Variants in SLC39A10 observed in about 807,000 individuals in gnomAD.
The protein encoded by SLC39A10 is solute carrier family 39 member 10, also known as zinc transporter ZIP10.
In SLC39A10, 13 loss-of-function variants were observed where a neutral mutation model predicts 65.1. The ratio of observed to expected loss-of-function variants is 0.20; its 90% CI spans 0.13 to 0.32. The LOEUF is 0.32. SLC39A10 is among the 10% of genes least tolerant of loss of function. The pLI, the probability that SLC39A10 is intolerant of heterozygous loss-of-function variation, is 1.00. For missense variants in SLC39A10, 831 were observed against 1,018.4 expected, an observed-to-expected ratio of 0.82 and a Z score of 2.50; for synonymous variants, 321 against 342.2, an observed-to-expected ratio of 0.94 and a Z score of 0.68.
intron 2 of SLC39A10, among the ~76,000 whole-genome samples, chr2:195,618,004 G>T (rs1412613978): frequency 4.6e-5 from 7 of 151,022 alleles, no homozygotes; most frequent in Non-Finnish European, 7.4e-5. Flanking sequence ...CTCCCAAAGT[G>T]CTGGGATTAC....
chr2:195,733,567 G>T (rs1490621039), intron 9 of SLC39A10, among the ~76,000 whole-genome samples: 1 of 151,596 alleles, frequency 6.6e-6, no homozygotes, highest in African/African-American at 2.4e-5. Flanking sequence ...TTTTGCTCTT[G>T]TTGCCCAGGA....
chr2:195,624,395 GAAA>G (rs35636489), intron 2 of SLC39A10, among the ~76,000 whole-genome samples: 2 of 65,972 alleles, frequency 3.0e-5, no homozygotes, highest in Non-Finnish European at 3.5e-5. Context: ...CTCAAATAAG[GAAA>G]AAAAAAAAAA....
chr2:195,635,463 T>C (rs747061336), intron 2 of SLC39A10, among the ~76,000 whole-genome samples: 1 of 152,224 alleles, frequency 6.6e-6, no homozygotes. Flanking sequence ...TTTGCCTTTT[T>C]CACTGCATTG....
intron 8 of SLC39A10, among the ~76,000 whole-genome samples, chr2:195,718,922 A>G (rs539902576): frequency 6.6e-6 from 1 of 151,960 alleles, no homozygotes; most frequent in South Asian, 2.1e-4. Flanking sequence ...AGGTTGGATG[A>G]TTTCTGTTTT....
intron 3 of SLC39A10, among the ~76,000 whole-genome samples, chr2:195,687,664 T>G (rs1291663704): frequency 1.3e-5 from 2 of 152,230 alleles, no homozygotes; most frequent in Non-Finnish European, 2.9e-5. Flanking sequence ...CTGCTAGTAA[T>G]TAGTTTTAAT....
In SLC39A10 at chr2:195,736,579, A is replaced by AAAAC. The variant is rs1692613759; in HGVS notation, c.*1542_*1545dup. 1 of 152,742 alleles carries AAAAC rather than the reference A, an allele frequency of 6.5e-6. No individual in the cohort carries two copies. The highest frequency in any genetic ancestry group is 6.5e-5 in the Admixed American group (1 of 15,282). 9.5% of individuals were successfully genotyped at this position (152,742 alleles called of 1,614,324 possible). On this transcript the variant is annotated 3_prime_UTR_variant, in exon 10 of 10. Coordinates refer to ENST00000359634, the MANE Select transcript of SLC39A10 (RefSeq NM_020342.3). ...CTCCTACTCTATGAACTTCAAAACA[A>AAAAC]AAACAAAACTTTGAGAGCAGCACAT...
At chr2:195,732,103 T>G (rs1000164284) in intron 9 of SLC39A10, among the ~76,000 whole-genome samples, 1 of 152,200 alleles carries the variant, frequency 6.6e-6, no homozygotes, top group African/African-American at 2.4e-5. Flanking sequence ...TGGATCCATA[T>G]TGTCGTCAGG....
At chr2:195,687,166 TCTC>T (rs1690556550) in intron 3 of SLC39A10, among the ~76,000 whole-genome samples, 1 of 152,136 alleles carries the variant, frequency 6.6e-6, no homozygotes, top group Non-Finnish European at 1.5e-5. Context: ...GCCTAGTCCC[TCTC>T]AGGTGCCTGT....
intron 2 of SLC39A10, among the ~76,000 whole-genome samples, chr2:195,628,042 A>G (rs1220199498): frequency 3.3e-5 from 5 of 152,218 alleles, no homozygotes; most frequent in South Asian, 4.1e-4. Context: ...TACTAATGCT[A>G]CAATTAAAAC....
chr2:195,730,200 C>T (rs1164316147), intron 9 of SLC39A10, among the ~76,000 whole-genome samples: 1 of 152,068 alleles, frequency 6.6e-6, no homozygotes, highest in Non-Finnish European at 1.5e-5. Flanking sequence ...TCAAATTAAC[C>T]ATTGACCATG....
In SLC39A10 at chr2:195,680,151, C is replaced by T. The variant is rs771937130; in HGVS notation, c.109C>T (p.His37Tyr). 3.7e-6 allele frequency: 6 copies of T among 1,613,936 alleles called. No individual in the cohort carries two copies. The highest frequency in any genetic ancestry group is 5.1e-6 in the Non-Finnish European group (6 of 1,180,032). Residue 37 changes from histidine to tyrosine, a missense_variant, in exon 2 of 10, where the codon CAC (histidine) becomes TAC (tyrosine). Physicochemically the swap from His to Tyr is moderately conservative, Grantham distance 83. This residue lies in a region of SLC39A10 where 446 missense variants were observed against 499.2 expected (regional missense o/e 0.89). Coordinates refer to ENST00000359634, the MANE Select transcript of SLC39A10 (RefSeq NM_020342.3). ...ACATGACCATGGCCCTGAAGCGCTTCACAGACAGCATCGTGGAATGACAGA... is the reference window on the plus strand; with the variant it reads ...ACATGACCATGGCCCTGAAGCGCTTTACAGACAGCATCGTGGAATGACAGA... ...EEHDHGPEAL[H>Y]RQHRGMTELE...
intron 1 of SLC39A10, among the ~76,000 whole-genome samples, chr2:195,663,299 A>G (rs940706508): frequency 6.6e-6 from 1 of 152,204 alleles, no homozygotes; most frequent in African/African-American, 2.4e-5. Flanking sequence ...TTGGTATATT[A>G]ACTCAGTGCA....
chr2:195,700,124 G>C (rs1691119410), intron 3 of SLC39A10, among the ~76,000 whole-genome samples: 1 of 152,058 alleles, frequency 6.6e-6, no homozygotes, highest in South Asian at 2.1e-4. Context: ...TGTAAAGTGA[G>C]TCTCTTGTAT....
At chr2:195,673,057 C>T (rs1163561648) in intron 1 of SLC39A10, among the ~76,000 whole-genome samples, 1 of 152,112 alleles carries the variant, frequency 6.6e-6, no homozygotes. Flanking sequence ...ACATCTCAAA[C>T]TTAATGCTGC....
At chr2:195,656,003 T>A, upstream of SLC39A10, among the ~76,000 whole-genome samples, 1 of 152,296 alleles carries the variant, frequency 6.6e-6, no homozygotes, top group East Asian at 1.9e-4. Context: ...CCAGGCAAGT[T>A]AAAGTCTTGT....
chr2:195,647,322 A>T (rs377561609), intron 2 of SLC39A10, among the ~76,000 whole-genome samples: 2 of 152,100 alleles, frequency 1.3e-5, no homozygotes, highest in East Asian at 3.9e-4. Context: ...AAATTCTTCA[A>T]TGGCCCTTGT....
At chr2:195,638,251 C>G (rs560167552) in intron 2 of SLC39A10, among the ~76,000 whole-genome samples, 1 of 152,094 alleles carries the variant, frequency 6.6e-6, no homozygotes, top group Admixed American at 6.5e-5. Context: ...CCTCAGCCTC[C>G]CAAAGTGCTA....
At chr2:195,631,533 C>T (rs1688585747) in intron 2 of SLC39A10, among the ~76,000 whole-genome samples, 1 of 152,012 alleles carries the variant, frequency 6.6e-6, no homozygotes, top group Admixed American at 6.6e-5. Context: ...TCCTTAAAAG[C>T]AATCTCAATT....
At chr2:195,638,989 G>A (rs1312469039) in intron 2 of SLC39A10, among the ~76,000 whole-genome samples, 1 of 149,784 alleles carries the variant, frequency 6.7e-6, no homozygotes, top group African/African-American at 2.5e-5. Flanking sequence ...ACAGGGTCAT[G>A]CTGGTGCCCC....
Sources: gnomAD v4.1 joint callset for allele counts (sites outside exome capture counted in the v4.1 genomes callset) on GRCh38, gnomAD v4.1.1 for gene constraint, gnomAD v4.1.1 regional missense constraint, MANE v1.5 for transcripts, NCBI Gene and HGNC (gene_info 2026-07-23, HGNC 2026-07-21) for gene names.